The following AUTS2 variants were observed in gnomAD, a reference collection of about 807,000 sequenced individuals.
AUTS2 encodes the protein autism susceptibility gene 2 protein.
AUTS2 carries 17 observed loss-of-function variants against 112.4 expected under a neutral mutation model. That is an observed-to-expected ratio of 0.15 (90% confidence interval 0.10 to 0.23). The LOEUF is 0.23. Ranked by LOEUF, AUTS2 falls within the 10% of genes least tolerant of loss-of-function variation. The pLI is 1.00. For missense variants in AUTS2, 1,510 were observed against 1,701.6 expected (o/e 0.89, Z 1.98); for synonymous variants, 751 against 702.7 (o/e 1.07, Z -1.09).
intron 1 of AUTS2, among the ~76,000 whole-genome samples, chr7:69,687,237 A>C (rs1797101343): frequency 6.6e-6 from 1 of 152,228 alleles, no homozygotes; most frequent in African/African-American, 2.4e-5. Context: ...TAAAGTAAGT[A>C]ATTTATATTT....
In AUTS2 at chr7:69,867,155, T is replaced by C. The variant is rs74853752; in HGVS notation, c.310-32131T>C. On this transcript the variant is annotated intron_variant, in intron 1 of 18. Transcript: ENST00000342771. ...TAGCAGTATCCTTTCATCTGCTTTG[T>C]TGTGAGCCAGCTTAGGTGGTCTTTT... Among the ~76,000 whole-genome samples the C allele has an allele frequency of 2.9e-3, 447 of 152,072 alleles. 5 individuals are homozygous for C. Among genetic ancestry groups the C allele is most frequent in the African/African-American group, 0.01 (433 of 41,506 alleles).
At chr7:70,029,230 A>T (rs191076348) in intron 2 of AUTS2, among the ~76,000 whole-genome samples, 1 of 150,306 alleles carries the variant, frequency 6.7e-6, no homozygotes, top group East Asian at 1.9e-4. Context: ...TGCCAGACAC[A>T]CAGCAAATCC....
chr7:70,443,242 A>T (rs1007916948), intron 5 of AUTS2, among the ~76,000 whole-genome samples: 4 of 152,218 alleles, frequency 2.6e-5, no homozygotes, highest in African/African-American at 9.6e-5. Flanking sequence ...AACAGTGAGA[A>T]GAAAGAACAG....
chr7:70,265,012 A>G (rs1787349143), intron 4 of AUTS2, among the ~76,000 whole-genome samples: 2 of 152,222 alleles, frequency 1.3e-5, no homozygotes, highest in Non-Finnish European at 2.9e-5. Context: ...TTAGAGTTCA[A>G]GGCATTCCCC....
In AUTS2 at chr7:70,763,272, C is replaced by A. The variant is rs548270270; in HGVS notation, c.1145C>A (p.Pro382His). ...AACCTCCCACCTGTGCAGGCCCACC[C>A]CTCTGCTCAGAGCCTCTCCCAGCCA... ...HQNLPPVQAH[P>H]SAQSLSQPLS... The change falls in exon 7 of 19, where the codon CCC becomes CAC. Residue 382 changes from proline (P) to histidine (H), a missense_variant. Pro to His is a moderately conservative substitution (Grantham distance 77, BLOSUM62 -2). This residue lies in a region of AUTS2 where 535 missense variants were observed against 594.3 expected (regional missense o/e 0.90). Transcript: ENST00000342771. 3.2e-5 allele frequency: 51 copies of A among 1,612,264 alleles called. 1 individual carries two copies. The South Asian group carries it at 4.6e-4, about 15-fold the overall frequency.
intron 2 of AUTS2, among the ~76,000 whole-genome samples, chr7:70,035,555 A>G (rs1437957889): frequency 6.6e-6 from 1 of 152,160 alleles, no homozygotes; most frequent in African/African-American, 2.4e-5. Flanking sequence ...TGTGAATTAT[A>G]TTTTCAAAAG....
chr7:70,669,913 AG>A (rs1807548807), intron 5 of AUTS2, among the ~76,000 whole-genome samples: 1 of 152,138 alleles, frequency 6.6e-6, no homozygotes. Flanking sequence ...CGAAGGAGCC[AG>A]GGTTAAACAG....
rs1167032417 is a variant in AUTS2 at position 70,726,129 on chromosome 7, T to C, written c.742+27509T>C. Among the ~76,000 whole-genome samples, 3 of 152,154 alleles carry C rather than the reference T, an allele frequency of 2.0e-5. No individual in the cohort carries two copies. In the South Asian group the frequency reaches 6.2e-4, roughly 32 times the overall value. ...TATGTTAAGTTTTAGGATGTGAATC[T>C]GGAATTTTCTTTTTTTTCATGTTTT... is the stretch of plus-strand genomic sequence containing the variant. On this transcript the variant is annotated intron_variant, in intron 6 of 18. Transcript: ENST00000342771.
chr7:69,803,392 A>G (rs1431391218), intron 1 of AUTS2, among the ~76,000 whole-genome samples: 1 of 152,018 alleles, frequency 6.6e-6, no homozygotes, highest in Non-Finnish European at 1.5e-5. Flanking sequence ...CACTAATATA[A>G]CAAAACTCAC....
At chr7:70,772,598 C>T (rs556421267) in intron 11 of AUTS2, among the ~76,000 whole-genome samples, 3 of 152,280 alleles carry the variant, frequency 2.0e-5, no homozygotes, top group East Asian at 1.9e-4. Context: ...AGGATAAGCA[C>T]ATAACTGCAT....
intron 4 of AUTS2, among the ~76,000 whole-genome samples, chr7:70,209,137 G>A (rs1222189362): frequency 1.3e-5 from 2 of 152,174 alleles, no homozygotes; most frequent in Non-Finnish European, 2.9e-5. Flanking sequence ...TTGTAGCAGT[G>A]AAATGTAAAG....
intron 1 of AUTS2, among the ~76,000 whole-genome samples, chr7:69,866,944 T>C (rs1346330012): frequency 6.6e-6 from 1 of 152,228 alleles, no homozygotes; most frequent in Non-Finnish European, 1.5e-5. Context: ...TGCTTGATGC[T>C]TCTGTCAGCC....
At chr7:70,582,298 C>T (rs560966945) in intron 5 of AUTS2, among the ~76,000 whole-genome samples, 1 of 152,320 alleles carries the variant, frequency 6.6e-6, no homozygotes, top group East Asian at 1.9e-4. Flanking sequence ...CACATCCTCT[C>T]CCTTCTCCCC....
intron 2 of AUTS2, among the ~76,000 whole-genome samples, chr7:70,040,292 A>G (rs916486215): frequency 6.6e-6 from 1 of 152,292 alleles, no homozygotes; most frequent in East Asian, 1.9e-4. Context: ...GAGATTGTCC[A>G]TGTGTAGGGA....
At chr7:69,964,706 G>A (rs751777606) in intron 2 of AUTS2, among the ~76,000 whole-genome samples, 5 of 151,698 alleles carry the variant, frequency 3.3e-5, no homozygotes, top group Non-Finnish European at 5.9e-5. Flanking sequence ...TAGGACAAAC[G>A]GGGAACGATC....
At chr7:69,802,844 T>C (rs1397126549) in intron 1 of AUTS2, among the ~76,000 whole-genome samples, 2 of 152,226 alleles carry the variant, frequency 1.3e-5, no homozygotes, top group African/African-American at 4.8e-5. Flanking sequence ...GATGAATTCT[T>C]TGTGAATTCT....
chr7:69,939,107 T>G (rs1796526849), intron 2 of AUTS2, among the ~76,000 whole-genome samples: 1 of 152,224 alleles, frequency 6.6e-6, no homozygotes, highest in African/African-American at 2.4e-5. Context: ...CCCTATCACA[T>G]CATGTTATCT....
chr7:70,389,922 A>G (rs1182208882), intron 4 of AUTS2, among the ~76,000 whole-genome samples: 1 of 152,220 alleles, frequency 6.6e-6, no homozygotes, highest in Non-Finnish European at 1.5e-5. Context: ...CTGCAAATGA[A>G]GAGAATTTTT....
At chr7:69,658,648 T>C (rs1231440701) in intron 1 of AUTS2, among the ~76,000 whole-genome samples, 1 of 152,206 alleles carries the variant, frequency 6.6e-6, no homozygotes, top group Non-Finnish European at 1.5e-5. Flanking sequence ...TTCATCTCTT[T>C]CTTTGTTTGC....
Sources: gnomAD v4.1 joint callset for allele counts (sites outside exome capture counted in the v4.1 genomes callset) on GRCh38, gnomAD v4.1.1 for gene constraint, gnomAD v4.1.1 regional missense constraint, MANE v1.5 for transcripts, NCBI Gene and HGNC (gene_info 2026-07-23, HGNC 2026-07-21) for gene names.